The following PDE1A variants were observed in gnomAD, a reference collection of about 807,000 sequenced individuals.
PDE1A encodes dual specificity calcium/calmodulin-dependent 3',5'-cyclic nucleotide phosphodiesterase 1A.
PDE1A carries 35 observed loss-of-function variants against 61.7 expected under a neutral mutation model. The observed-to-expected ratio is 0.57, with a 90% confidence interval of 0.43 to 0.75. PDE1A has a LOEUF of 0.75. PDE1A is among the 30% of genes least tolerant of loss of function. PDE1A has a pLI of 0.00. For missense variants in PDE1A, 597 were observed against 630.6 expected, an observed-to-expected ratio of 0.95 and a Z score of 0.57; for synonymous variants, 232 against 213.2, an observed-to-expected ratio of 1.09 and a Z score of -0.77.
intron 1 of PDE1A, among the ~76,000 whole-genome samples, chr2:182,272,890 T>G: frequency 6.6e-6 from 1 of 152,146 alleles, no homozygotes; most frequent in East Asian, 1.9e-4. Flanking sequence ...GATTGACAGT[T>G]GAATAATATA....
chr2:182,316,645 A>C (rs1272706916), intron 1 of PDE1A, among the ~76,000 whole-genome samples: 1 of 152,204 alleles, frequency 6.6e-6, no homozygotes, highest in Non-Finnish European at 1.5e-5. Context: ...AAAACTAAGA[A>C]TGATGAGTAT....
intron 1 of PDE1A, among the ~76,000 whole-genome samples, chr2:182,271,151 G>A (rs1213829608): frequency 6.7e-6 from 1 of 148,304 alleles, no homozygotes; most frequent in Admixed American, 6.8e-5. Flanking sequence ...CTGGAAATTT[G>A]CTAAGAGAGT....
intron 2 of PDE1A, among the ~76,000 whole-genome samples, chr2:182,247,351 A>G (rs1357612821): frequency 6.6e-6 from 1 of 152,252 alleles, no homozygotes; most frequent in African/African-American, 2.4e-5. Flanking sequence ...CACATAGAGA[A>G]GAGTAAGAAA....
chr2:182,519,805 A>G (rs1264712528), intron 2 of PDE1A, among the ~76,000 whole-genome samples: 1 of 151,918 alleles, frequency 6.6e-6, no homozygotes, highest in Non-Finnish European at 1.5e-5. Context: ...GCATAATTGA[A>G]TAAACATTAT....
At chr2:182,646,609 G>A in the PDE1A span, among the ~76,000 whole-genome samples, 8,910 of 151,740 alleles carry the variant, frequency 0.059, 294 homozygotes, top group Middle Eastern at 0.085. Context: ...GCTTGAACCC[G>A]GGAGGCGGAG....
the PDE1A span, among the ~76,000 whole-genome samples, chr2:182,645,326 T>A: frequency 6.6e-6 from 1 of 152,244 alleles, no homozygotes; most frequent in South Asian, 2.1e-4. Flanking sequence ...TTTGTTTTAA[T>A]ATAAATATTC....
rs138843941 is a variant in PDE1A, at chr2:182,389,292, C to A, written c.53+37286G>T. ...GTCAGGAAACTATCAACAGAGTGAA[C>A]AGACAACCTATAGAATGAGAGAAAA... On this transcript the variant is annotated intron_variant, in intron 1 of 13. Coordinates refer to ENST00000351439, the Ensembl canonical transcript of PDE1A. 3.3e-5 allele frequency among the ~76,000 whole-genome samples: 5 copies of A among 152,126 alleles called. No homozygotes were observed. The East Asian group carries it at 9.6e-4, about 29-fold the overall frequency.
chr2:182,419,336 CTT>C (rs35320184), intron 1 of PDE1A, among the ~76,000 whole-genome samples: 13 of 132,584 alleles, frequency 9.8e-5, no homozygotes, highest in Non-Finnish European at 1.5e-4. Flanking sequence ...TTTTTCTTTT[CTT>C]TTTTTTTTTT....
the PDE1A span, among the ~76,000 whole-genome samples, chr2:182,691,182 T>A: frequency 6.6e-6 from 1 of 152,286 alleles, no homozygotes; most frequent in Middle Eastern, 3.4e-3. Context: ...AAAACTACTT[T>A]AAAGTTCATA....
chr2:182,186,231 T>C, intron 12 of PDE1A, 152 bp from the exon 13 acceptor site: 1 of 853,012 alleles, frequency 1.2e-6, no homozygotes, highest in East Asian at 2.6e-5. Flanking sequence ...ATCTCCTTTC[T>C]CTCCCTCCCC....
upstream of PDE1A, among the ~76,000 whole-genome samples, chr2:182,430,752 A>G (rs1335634432): frequency 7.3e-6 from 1 of 137,482 alleles, no homozygotes. Flanking sequence ...AGTGGCACAT[A>G]TACACCATGG....
chr2:182,342,662 A>G (rs1242901312), intron 1 of PDE1A, among the ~76,000 whole-genome samples: 3 of 152,220 alleles, frequency 2.0e-5, no homozygotes, highest in Admixed American at 6.5e-5. Flanking sequence ...CAGCCTGGGC[A>G]ACAAAGCGAG....
At chr2:182,620,233 A>C in the PDE1A span, among the ~76,000 whole-genome samples, 1 of 152,190 alleles carries the variant, frequency 6.6e-6, no homozygotes, top group Non-Finnish European at 1.5e-5. Flanking sequence ...CTCTGGGAAC[A>C]CAACTATTAA....
intron 2 of PDE1A, among the ~76,000 whole-genome samples, chr2:182,489,332 T>C (rs1158731457): frequency 6.6e-6 from 1 of 152,100 alleles, no homozygotes; most frequent in South Asian, 2.1e-4. Flanking sequence ...TTACAAAGAA[T>C]AAGGATGTTT....
chr2:182,272,081 C>G (rs1693065560), intron 1 of PDE1A, among the ~76,000 whole-genome samples: 1 of 151,966 alleles, frequency 6.6e-6, no homozygotes, highest in African/African-American at 2.4e-5. Flanking sequence ...AAGATGGATA[C>G]TAGAATAATA....
chr2:182,515,638 T>C (rs2125970758), intron 2 of PDE1A, among the ~76,000 whole-genome samples: 1 of 152,308 alleles, frequency 6.6e-6, no homozygotes, highest in African/African-American at 2.4e-5. Context: ...CAAAACAAAT[T>C]ATGATTATGA....
chr2:182,695,683 A>AG, the PDE1A span, among the ~76,000 whole-genome samples: 3 of 95,234 alleles, frequency 3.2e-5, no homozygotes, highest in African/African-American at 1.0e-4. Context: ...AAAAAAAAAA[A>AG]AAGAAAAAGA....
chr2:182,664,903 T>C, the PDE1A span, among the ~76,000 whole-genome samples: 2 of 152,298 alleles, frequency 1.3e-5, no homozygotes, highest in South Asian at 4.1e-4. Context: ...CTTAAAACAA[T>C]ACATATTACA....
chr2:182,455,171 G>A (rs1685821018), intron 2 of PDE1A, among the ~76,000 whole-genome samples: 1 of 152,000 alleles, frequency 6.6e-6, no homozygotes, highest in South Asian at 2.1e-4. Flanking sequence ...CACCATCACT[G>A]GCCATCAGAG....
Sources: allele counts gnomAD v4.1 joint callset (sites outside exome capture counted in the v4.1 genomes callset), GRCh38; gene constraint gnomAD v4.1.1; transcripts MANE v1.5; gene names NCBI Gene and HGNC (gene_info 2026-07-23, HGNC 2026-07-21).